The following CFAP52 variants were observed in gnomAD, a reference collection of about 807,000 sequenced individuals.
The protein encoded by CFAP52 is cilia- and flagella-associated protein 52.
Under a neutral mutation model 70.5 loss-of-function variants are expected in CFAP52, and 57 were observed. The observed-to-expected ratio is 0.81, with a 90% CI of 0.65 to 1.01. CFAP52 has a LOEUF of 1.01. CFAP52 is among the 50% of genes least tolerant of loss of function. CFAP52 has a pLI of 0.00. For missense variants in CFAP52, 785 were observed against 788.5 expected (o/e 1.00, Z 0.05); for synonymous variants, 267 against 292.5 (o/e 0.91, Z 0.89).
At chr17:9,586,568 C>CAAAA (rs11296135) in intron 2 of CFAP52, 130 bp from the exon 3 acceptor site, 9 of 894,768 alleles carry the variant, frequency 1.0e-5, no homozygotes, top group Admixed American at 8.8e-5. Context: ...TCCGTCTCAA[C>CAAAA]AAAAAAAAAA....
At chr17:9,633,319 C>T (rs1001398487) in intron 10 of CFAP52, among the ~76,000 whole-genome samples, 5 of 152,172 alleles carry the variant, frequency 3.3e-5, no homozygotes, top group Non-Finnish European at 7.3e-5. Flanking sequence ...ATTCTCCTGC[C>T]TCAGCCTCCT....
chr17:9,635,551 C>A lies in CFAP52; in HGVS notation c.1467C>A (p.Asp489Glu). The A allele has an allele frequency of 6.2e-7, 1 of 1,614,142 alleles. No individual in the cohort carries two copies. The change falls in exon 11 of 14, where the codon GAC becomes GAA. Residue 489 changes from aspartate to glutamate, a missense_variant. Physicochemically the swap from Asp to Glu is conservative, Grantham distance 45 (BLOSUM62 2). Coordinates refer to ENST00000352665, the MANE Select transcript of CFAP52 (RefSeq NM_145054.5). ...ASTDGTCIIW[D>E]LVRLRRNQMI... ...CCGATGGGACTTGTATCATTTGGGACCTTGTGTAGGTACCTGTGATGGGGA... is the reference window on the plus strand; with the variant it reads ...CCGATGGGACTTGTATCATTTGGGAACTTGTGTAGGTACCTGTGATGGGGA...
intron 13 of CFAP52, among the ~76,000 whole-genome samples, chr17:9,642,664 A>C (rs1911127741): frequency 6.6e-6 from 1 of 152,222 alleles, no homozygotes; most frequent in East Asian, 1.9e-4. Context: ...GAAATGAATT[A>C]AGTTTCACAA....
At chr17:9,598,196 C>T in intron 4 of CFAP52, 38 bp from the exon 5 acceptor site, 2 of 1,478,304 alleles carry the variant, frequency 1.4e-6, no homozygotes, top group African/African-American at 1.4e-5. Context: ...AATGGGTGTC[C>T]ATTTGATTGT....
At chr17:9,636,208 A>G (rs1345389951) in intron 11 of CFAP52, among the ~76,000 whole-genome samples, 1 of 134,794 alleles carries the variant, frequency 7.4e-6, no homozygotes, top group East Asian at 2.8e-4. Flanking sequence ...AGAAAGAAAG[A>G]AAGAAAGAAA....
intron 7 of CFAP52, among the ~76,000 whole-genome samples, chr17:9,608,769 T>C (rs1909605026): frequency 6.6e-6 from 1 of 152,234 alleles, no homozygotes; most frequent in Admixed American, 6.5e-5. Context: ...GCCATAACAA[T>C]GTGCTTATTC....
At chr17:9,630,916 G>A (rs1228897722) in intron 9 of CFAP52, among the ~76,000 whole-genome samples, 1 of 149,408 alleles carries the variant, frequency 6.7e-6, no homozygotes, top group Non-Finnish European at 1.5e-5. Context: ...AACCCGGGAG[G>A]TGGAGGTTGC....
Position 9,628,761 on chromosome 17 carries a change from T to A in CFAP52, c.1115T>A (p.Val372Glu). 1.9e-6 allele frequency: 3 copies of A among 1,614,152 alleles called. No homozygotes were observed. Among genetic ancestry groups the A allele is most frequent in the Non-Finnish European group, 1.7e-6 (2 of 1,180,026 alleles). The change falls in exon 9 of 14, where the codon GTG (valine) becomes GAG (glutamate). Residue 372 changes from valine to glutamate, a missense_variant. Transcript: ENST00000352665. ...SSNRELLRIT[V>E]PNMTCHGIDF... The stretch of plus-strand genomic sequence containing the variant: ...AACAGGGAGCTGCTGCGGATCACCG[T>A]GCCCAACATGACCTGCCACGGCATC...
At chr17:9,641,574 C>T in intron 12 of CFAP52, 150 bp from the exon 13 acceptor site, 1 of 531,584 alleles carries the variant, frequency 1.9e-6, no homozygotes. Context: ...TTGCCACCCC[C>T]TGCTGTAGCC....
intron 8 of CFAP52, among the ~76,000 whole-genome samples, chr17:9,621,996 G>C (rs947540779): frequency 5.3e-5 from 8 of 151,564 alleles, no homozygotes; most frequent in African/African-American, 1.9e-4. Flanking sequence ...CTAAAACTTA[G>C]AGTATAATAA....
chr17:9,644,009 C>G (rs2151956168), downstream of CFAP52, among the ~76,000 whole-genome samples: 1 of 152,262 alleles, frequency 6.6e-6, no homozygotes, highest in Middle Eastern at 3.4e-3. Flanking sequence ...TTCACAGTAC[C>G]GTCTGATGTT....
intron 10 of CFAP52, among the ~76,000 whole-genome samples, chr17:9,635,179 G>A (rs1910717237): frequency 6.6e-6 from 1 of 152,116 alleles, no homozygotes; most frequent in Non-Finnish European, 1.5e-5. Flanking sequence ...AGCAGGTACA[G>A]GATTGTTAGT....
At chr17:9,638,868 T>A in intron 12 of CFAP52, 157 bp downstream of exon 12, 1 of 647,216 alleles carries the variant, frequency 1.5e-6, no homozygotes, top group Non-Finnish European at 2.7e-6. Context: ...CATATCACCT[T>A]CCAGTGTCTT....
chr17:9,596,838 C>A (rs2151934426), intron 4 of CFAP52, among the ~76,000 whole-genome samples: 1 of 152,208 alleles, frequency 6.6e-6, no homozygotes, highest in East Asian at 1.9e-4. Context: ...GCCTCAGCCT[C>A]CCGACTAGCT....
intron 8 of CFAP52, among the ~76,000 whole-genome samples, chr17:9,616,242 G>A (rs1278338026): frequency 6.7e-5 from 10 of 148,708 alleles, no homozygotes; most frequent in Non-Finnish European, 1.3e-4. Context: ...GGTGACGGAC[G>A]CACCTGGAAA....
At chr17:9,598,207 G>A (rs1361737969) in intron 4 of CFAP52, 27 bp from the exon 5 acceptor site, 5 of 1,506,962 alleles carry the variant, frequency 3.3e-6, no homozygotes, top group Non-Finnish European at 1.8e-6. Context: ...ATTTGATTGT[G>A]GTTTTTTGTT....
chr17:9,628,382 C>T (rs541046658), intron 8 of CFAP52, among the ~76,000 whole-genome samples: 1 of 151,440 alleles, frequency 6.6e-6, no homozygotes, highest in Non-Finnish European at 1.5e-5. Flanking sequence ...CAGGTTCAAG[C>T]GATTCTCCTG....
intron 7 of CFAP52, among the ~76,000 whole-genome samples, chr17:9,609,968 T>G (rs1392662382): frequency 6.6e-6 from 1 of 151,834 alleles, no homozygotes; most frequent in East Asian, 1.9e-4. Context: ...TAGACACTTA[T>G]AAAACCTGGA....
chr17:9,585,504 TA>T (rs1193765037), intron 1 of CFAP52, among the ~76,000 whole-genome samples: 2 of 151,942 alleles, frequency 1.3e-5, no homozygotes, highest in African/African-American at 4.8e-5. Context: ...CCGTCTCTAC[TA>T]AAAATACAAA....
Sources: gnomAD v4.1 joint callset for allele counts (sites outside exome capture counted in the v4.1 genomes callset) on GRCh38, gnomAD v4.1.1 for gene constraint, MANE v1.5 for transcripts, NCBI Gene and HGNC (gene_info 2026-07-23, HGNC 2026-07-21) for gene names.